Variants in CRTC1 observed in about 807,000 individuals in gnomAD.
CRTC1 encodes CREB-regulated transcription coactivator 1.
In CRTC1, 18 loss-of-function variants were observed where a neutral mutation model predicts 66.1. The ratio of observed to expected loss-of-function variants is 0.27; its 90% CI spans 0.19 to 0.40. The LOEUF is 0.40. CRTC1 is among the 10% of genes least tolerant of loss of function. CRTC1 has a pLI of 1.00. For synonymous variants in CRTC1, 416 were observed against 398.8 expected (o/e 1.04, Z -0.51); for missense variants, 669 against 887.9 (o/e 0.75, Z 3.13).
At chr19:18,759,221 T>A (rs2054559416) in intron 6 of CRTC1, among the ~76,000 whole-genome samples, 1 of 152,056 alleles carries the variant, frequency 6.6e-6, no homozygotes, top group South Asian at 2.1e-4. Flanking sequence ...AGAATAAAAA[T>A]TTAAAAAGAT....
rs758095233 is a variant in CRTC1 at position 18,765,423 on chromosome 19, C to G, written c.906C>G (p.Ser302=). Residue 302 remains serine, a synonymous_variant, in exon 9 of 14, where the codon TCC becomes TCG. Transcript: ENST00000321949. ...CTCTAGGAATGAGCACACCTGGCTC[C>G]TCTCCACAGCACCGCCCAGCTGGCG... ...GAGQGMSTPG[S]SPQHRPAGVS... 1.2e-6 allele frequency: 2 copies of G among 1,612,802 alleles called. No homozygotes were observed. Among genetic ancestry groups the G allele is most frequent in the South Asian group, 2.2e-5 (2 of 90,886 alleles).
chr19:18,757,595 C>G lies in CRTC1; in HGVS notation c.625-1956C>G, dbSNP rs562295096. On this transcript the variant is annotated intron_variant, in intron 6 of 13. Coordinates refer to ENST00000321949, the MANE Select transcript of CRTC1 (RefSeq NM_015321.3). ...TGCTGTGAAAGTCCATACTTCAGTCCGGGTGCCATGGCTCACGCCTGTAAT... is the reference window on the plus strand; with the variant it reads ...TGCTGTGAAAGTCCATACTTCAGTCGGGGTGCCATGGCTCACGCCTGTAAT... 4.2e-4 allele frequency among the ~76,000 whole-genome samples: 64 copies of G among 152,256 alleles called. No homozygotes were observed. In the South Asian group the frequency reaches 9.3e-3, roughly 22 times the overall value.
chr19:18,759,894 A>G, intron 7 of CRTC1, 114 bp from the exon 8 acceptor site: 1 of 853,778 alleles, frequency 1.2e-6, no homozygotes, highest in Non-Finnish European at 1.9e-6. Flanking sequence ...AGCACACGGC[A>G]CCTGATGGGG....
chr19:18,697,375 G>A (rs1046345856), intron 1 of CRTC1, among the ~76,000 whole-genome samples: 4 of 152,052 alleles, frequency 2.6e-5, no homozygotes, highest in African/African-American at 9.6e-5. Flanking sequence ...GCCGTGGTGC[G>A]ATCTCAGCTC....
intron 5 of CRTC1, among the ~76,000 whole-genome samples, chr19:18,750,226 G>A (rs1380037416): frequency 1.3e-5 from 2 of 152,248 alleles, no homozygotes; most frequent in Admixed American, 6.5e-5. Flanking sequence ...GCTCATGACA[G>A]AGCAGGCCAG....
rs540096332 is a variant in CRTC1, at chr19:18,781,383, G to A, written c.*4001G>A. 1.3e-5 allele frequency: 3 copies of A among 229,714 alleles called. No individual in the cohort carries two copies. Among genetic ancestry groups the A allele is most frequent in the African/African-American group, 2.2e-5 (1 of 45,194 alleles). The allele number at this position is 229,714 out of a possible 1,614,324, so 14.2% of individuals were successfully genotyped here. On this transcript the variant is annotated 3_prime_UTR_variant, in exon 14 of 14. Coordinates refer to ENST00000321949, the MANE Select transcript of CRTC1 (RefSeq NM_015321.3). Reference sequence around the variant, plus strand: ...GCCTCCATTTCCTGGGGGCTCTTGCGGCATGTGATTTGGGGGTCCCTGGGA... The same window carrying A: ...GCCTCCATTTCCTGGGGGCTCTTGCAGCATGTGATTTGGGGGTCCCTGGGA...
chr19:18,691,782 C>T (rs1473495213), intron 1 of CRTC1, among the ~76,000 whole-genome samples: 4 of 151,882 alleles, frequency 2.6e-5, no homozygotes, highest in Admixed American at 6.6e-5. Context: ...GGCGTGATCT[C>T]GGCTCACTGC....
intron 1 of CRTC1, among the ~76,000 whole-genome samples, chr19:18,715,660 C>T (rs550151535): frequency 6.6e-6 from 1 of 152,360 alleles, no homozygotes; most frequent in Admixed American, 6.5e-5. Context: ...CTGTCCTCCC[C>T]TCTTCCCCTG....
chr19:18,770,227 G>C (rs1485247840), intron 10 of CRTC1, among the ~76,000 whole-genome samples: 1 of 152,244 alleles, frequency 6.6e-6, no homozygotes, highest in Non-Finnish European at 1.5e-5. Flanking sequence ...TCCGGGGCCT[G>C]GCCTGGCCCG....
At chr19:18,743,203 G>A (rs2054148879) in intron 2 of CRTC1, among the ~76,000 whole-genome samples, 177 bp downstream of exon 2, 1 of 152,252 alleles carries the variant, frequency 6.6e-6, no homozygotes, top group Admixed American at 6.5e-5. Flanking sequence ...CCACCAGGGT[G>A]CCCCCGCAGC....
At chr19:18,690,312 C>T (rs752152904) in intron 1 of CRTC1, among the ~76,000 whole-genome samples, 30 of 152,270 alleles carry the variant, frequency 2.0e-4, no homozygotes, top group Middle Eastern at 3.4e-3. Flanking sequence ...GCAGGCACAG[C>T]GCAGTGGTGG....
At position 18,752,316 on chromosome 19, in the gene CRTC1, G is replaced by A. The variant is rs1409893749; in HGVS notation, c.539-1184G>A. 2.6e-5 allele frequency among the ~76,000 whole-genome samples: 4 copies of A among 152,036 alleles called. No individual in the cohort carries two copies. The East Asian group carries it at 7.7e-4, about 29-fold the overall frequency. On this transcript the variant is annotated intron_variant, in intron 5 of 13. Coordinates refer to ENST00000321949, the MANE Select transcript of CRTC1 (RefSeq NM_015321.3). ...CACATCCTCAGGCTCCAGAGCTGCTGTTTTATATTATTTTATTTTAGAGAC... is the reference window on the plus strand; with the variant it reads ...CACATCCTCAGGCTCCAGAGCTGCTATTTTATATTATTTTATTTTAGAGAC...
chr19:18,765,989 G>A (rs2054726022), intron 9 of CRTC1, among the ~76,000 whole-genome samples: 1 of 152,180 alleles, frequency 6.6e-6, no homozygotes, highest in Non-Finnish European at 1.5e-5. Flanking sequence ...CAAGAGGTTA[G>A]CTTTTGATTT....
chr19:18,690,601 T>A (rs1361862743), intron 1 of CRTC1, among the ~76,000 whole-genome samples: 2 of 152,170 alleles, frequency 1.3e-5, no homozygotes, highest in African/African-American at 4.8e-5. Flanking sequence ...CTGCTCACCT[T>A]CTAGCCCTGT....
In CRTC1 at chr19:18,716,964, C is replaced by CGTGCAGGCAGGACAGGA. The variant is rs570854265; in HGVS notation, c.127-25925_127-25909dup. On this transcript the variant is annotated intron_variant, in intron 1 of 13. Transcript: ENST00000321949. ...GTGTGTGCAAGTGAGTGGGAGCTGGCGTGCAGGCAGGACAGGAGTGCAGGC... is the reference window on the plus strand; with the variant it reads ...GTGTGTGCAAGTGAGTGGGAGCTGGCGTGCAGGCAGGACAGGAGTGCAGGCAGGACAGGAGTGCAGGC... 8.0e-4 allele frequency among the ~76,000 whole-genome samples: 121 copies of CGTGCAGGCAGGACAGGA among 151,928 alleles called. 1 individual carries two copies. Among genetic ancestry groups the CGTGCAGGCAGGACAGGA allele is most frequent in the Non-Finnish European group, 1.5e-3 (105 of 67,986 alleles).
At position 18,728,815 on chromosome 19, in the gene CRTC1, C is replaced by CTTT. The variant is rs35465891; in HGVS notation, c.127-14082_127-14080dup. ...ACAGGTGTGAGCCACCTCACCTGGC[C>CTTT]TTTTTTTTTTTTTTTGAGACAGAGT... On this transcript the variant is annotated intron_variant, in intron 1 of 13. Coordinates refer to ENST00000321949, the MANE Select transcript of CRTC1 (RefSeq NM_015321.3). 7.1e-4 allele frequency among the ~76,000 whole-genome samples: 56 copies of CTTT among 79,378 alleles called. 4 individuals are homozygous for CTTT. The highest frequency in any genetic ancestry group is 5.3e-3 in the Admixed American group (35 of 6,656). The allele number at this position is 79,378 out of a possible 152,430, so 52.1% of individuals were successfully genotyped here. A position where few individuals can be genotyped will look rare whatever the true frequency, so the allele number is the denominator to read the frequency against.
Position 18,768,703 on chromosome 19 carries a change from G to A in CRTC1, c.1230G>A (p.Pro410=), listed in dbSNP as rs753178248. 3.1e-5 allele frequency: 49 copies of A among 1,555,764 alleles called. No homozygotes were observed. Among genetic ancestry groups the A allele is most frequent in the African/African-American group, 5.6e-5 (4 of 71,616 alleles). Residue 410 remains proline, a synonymous_variant, in exon 10 of 14, where the codon CCG becomes CCA. Coordinates refer to ENST00000321949, the MANE Select transcript of CRTC1 (RefSeq NM_015321.3). This position sits in a 1 kb window ranked among gnomAD's most constrained non-coding sequence, Gnocchi z 5.6. ...CCAGCCTGACTCGTGGGCCACAGCCGCCCCCGCTTGCAGTCACGGTACCGT... is the reference window on the plus strand; with the variant it reads ...CCAGCCTGACTCGTGGGCCACAGCCACCCCCGCTTGCAGTCACGGTACCGT... ...PSASLTRGPQ[P]PPLAVTVPSS...
intron 1 of CRTC1, among the ~76,000 whole-genome samples, chr19:18,734,526 G>GAAA (rs112158816): frequency 2.4e-5 from 3 of 122,802 alleles, no homozygotes; most frequent in African/African-American, 8.8e-5. Flanking sequence ...TCTACAGAAA[G>GAAA]AAAAAAAAAA....
At position 18,741,842 on chromosome 19, in the gene CRTC1, C is replaced by T. The variant is rs540771652; in HGVS notation, c.127-1068C>T. Among the ~76,000 whole-genome samples, 78 of 152,302 alleles carry T rather than the reference C, an allele frequency of 5.1e-4. 2 individuals are homozygous for T. The highest frequency in any genetic ancestry group is 9.0e-4 in the Non-Finnish European group (61 of 68,004). The stretch of plus-strand genomic sequence containing the variant: ...CTCAGCCGGGCAGGTGGCCAGTTCC[C>T]GGGCTTTACTTCCGCCTCCGGTGTC... On this transcript the variant is annotated intron_variant, in intron 1 of 13. Coordinates refer to ENST00000321949, the MANE Select transcript of CRTC1 (RefSeq NM_015321.3). The surrounding 1 kb of genome is among the most constrained non-coding windows in gnomAD (Gnocchi z 4.2).
Sources: allele counts gnomAD v4.1 joint callset (sites outside exome capture counted in the v4.1 genomes callset), GRCh38; gene constraint gnomAD v4.1.1; non-coding constraint Gnocchi (gnomAD v3.1); transcripts MANE v1.5; gene names NCBI Gene and HGNC (gene_info 2026-07-23, HGNC 2026-07-21).